SCRN3: variants seen among roughly 807,000 people sequenced by gnomAD.
The protein encoded by SCRN3 is secernin-3.
SCRN3 carries 39 observed loss-of-function variants against 43.1 expected under a neutral mutation model. The ratio of observed to expected loss-of-function variants is 0.91; its 90% CI spans 0.70 to 1.18. The LOEUF (loss-of-function observed/expected upper bound fraction) is 1.18. Ranked by LOEUF, SCRN3 falls within the 50% of genes most tolerant of loss-of-function variation. SCRN3 has a pLI of 0.00. For missense variants in SCRN3, 484 were observed against 498.0 expected, an observed-to-expected ratio of 0.97 and a Z score of 0.27; for synonymous variants, 147 against 163.1, an observed-to-expected ratio of 0.90 and a Z score of 0.75.
intron 5 of SCRN3, chr2:174,410,064 GC>G (rs1187383336): frequency 6.1e-6 from 1 of 163,194 alleles, no homozygotes; most frequent in African/African-American, 2.4e-5. Flanking sequence ...CAGCCTCGCT[GC>G]CGCCTTGCAG....
intron 5 of SCRN3, among the ~76,000 whole-genome samples, chr2:174,421,834 A>G (rs992309862): frequency 6.6e-6 from 1 of 152,218 alleles, no homozygotes. Context: ...GAATAGCACA[A>G]AAGATAGGCA....
intron 5 of SCRN3, among the ~76,000 whole-genome samples, chr2:174,413,670 A>C (rs1686008028): frequency 6.9e-6 from 1 of 144,880 alleles, no homozygotes. Context: ...GGCTCACTGC[A>C]ACCTCCTCCT....
At chr2:174,397,507 C>A in intron 1 of SCRN3, 1 of 507,454 alleles carries the variant, frequency 2.0e-6, no homozygotes, top group Non-Finnish European at 2.5e-6. Context: ...ATATTTTTGT[C>A]TGAATCAATG....
chr2:174,412,175 G>GGTT (rs897121808), intron 5 of SCRN3, among the ~76,000 whole-genome samples: 1 of 151,758 alleles, frequency 6.6e-6, no homozygotes, highest in African/African-American at 2.4e-5. Context: ...TGAGTTTCAT[G>GGTT]GTTGTTGTTG....
intron 3 of SCRN3, among the ~76,000 whole-genome samples, chr2:174,400,438 C>T (rs1253769147): frequency 6.6e-6 from 1 of 151,956 alleles, no homozygotes. Flanking sequence ...AGGCACGTGC[C>T]ACCACACCTG....
At chr2:174,417,035 T>C (rs1383764506) in intron 5 of SCRN3, among the ~76,000 whole-genome samples, 1 of 152,222 alleles carries the variant, frequency 6.6e-6, no homozygotes, top group Non-Finnish European at 1.5e-5. Flanking sequence ...AATGTTATAG[T>C]TTAATAAATA....
chr2:174,399,969 C>T lies in SCRN3; in HGVS notation c.207C>T (p.Val69=). The part of the protein sequence containing the change: ...IDQVPETYAV[V]LSRPAWLWGA... ...AAGTTCCTGAAACATATGCTGTTGT[C>T]CTGAGTCGCCCAGCGTGGTTGTGGG... The change falls in exon 3 of 8, where the codon GTC becomes GTT. Residue 69 remains valine, a synonymous_variant. Coordinates refer to ENST00000272732, the MANE Select transcript of SCRN3 (RefSeq NM_024583.5). 1 of 1,574,516 alleles carries T rather than the reference C, an allele frequency of 6.4e-7. No homozygotes were observed. The highest frequency in any genetic ancestry group is 8.6e-7 in the Non-Finnish European group (1 of 1,165,712).
In SCRN3 at chr2:174,404,108, G is replaced by C; in HGVS notation, c.547G>C (p.Val183Leu). Residue 183 changes from valine to leucine, a missense_variant, in exon 5 of 8, where the codon GTT (valine) becomes CTT (leucine). Physicochemically the swap from Val to Leu is conservative, Grantham distance 32. Coordinates refer to ENST00000272732, the MANE Select transcript of SCRN3 (RefSeq NM_024583.5). ...YWAAEKVQEG[V>L]RNISNQLSIT... ...CTCTTCTTCTTTGAAAATAGAGGGA[G>C]TTCGTAATATTTCTAATCAACTTTC... The C allele has an allele frequency of 6.2e-7, 1 of 1,612,392 alleles. No homozygotes were observed. The highest frequency in any genetic ancestry group is 8.5e-7 in the Non-Finnish European group (1 of 1,178,726).
intron 5 of SCRN3, among the ~76,000 whole-genome samples, chr2:174,420,534 T>C (rs1373207521): frequency 6.6e-6 from 1 of 152,180 alleles, no homozygotes; most frequent in Non-Finnish European, 1.5e-5. Flanking sequence ...TGTCTACACA[T>C]TAGCTTTATT....
intron 5 of SCRN3, among the ~76,000 whole-genome samples, chr2:174,421,299 A>G (rs538803473): frequency 3.0e-4 from 46 of 152,334 alleles, no homozygotes; most frequent in African/African-American, 1.1e-3. Context: ...GCTAACGGGC[A>G]TTCTTCAGGC....
At chr2:174,424,354 C>A in intron 6 of SCRN3, 121 bp from the exon 7 acceptor site, 1 of 711,874 alleles carries the variant, frequency 1.4e-6, no homozygotes, top group Non-Finnish European at 2.3e-6. Flanking sequence ...GTGACAGGAA[C>A]AAGTTAGTAT....
At chr2:174,396,280 C>T (rs1305061830) in intron 1 of SCRN3, 2 of 989,552 alleles carry the variant, frequency 2.0e-6, no homozygotes, top group Non-Finnish European at 2.4e-6. Context: ...ATGACGAATA[C>T]GCGTTAGGAG....
intron 4 of SCRN3, 35 bp from the exon 5 acceptor site, chr2:174,404,068 T>C: frequency 6.6e-7 from 1 of 1,521,366 alleles, no homozygotes; most frequent in Non-Finnish European, 9.1e-7. Flanking sequence ...AATATGACTT[T>C]TCTTCTCCTT....
chr2:174,400,561 T>C (rs540766523), intron 3 of SCRN3, among the ~76,000 whole-genome samples: 2 of 152,296 alleles, frequency 1.3e-5, no homozygotes, highest in Non-Finnish European at 2.9e-5. Flanking sequence ...AGCTCCTGAG[T>C]AACTGGGATT....
rs149822908 is a variant in SCRN3 at position 174,416,334 on chromosome 2, A to G, written c.755-6551A>G. On this transcript the variant is annotated intron_variant, in intron 5 of 7. Coordinates refer to ENST00000272732, the MANE Select transcript of SCRN3 (RefSeq NM_024583.5). Reference sequence around the variant, plus strand: ...GAATGGACAGGACTTAATTAATTAGAGTGAAGGTTAGAGAGAGAAAGATGT... The same window carrying G: ...GAATGGACAGGACTTAATTAATTAGGGTGAAGGTTAGAGAGAGAAAGATGT... Among the ~76,000 whole-genome samples the G allele has an allele frequency of 3.2e-3, 481 of 152,330 alleles. 5 individuals carry two copies. Among genetic ancestry groups the G allele is most frequent in the African/African-American group, 0.011 (454 of 41,560 alleles).
At chr2:174,418,004 A>C (rs992121193) in intron 5 of SCRN3, among the ~76,000 whole-genome samples, 11 of 152,208 alleles carry the variant, frequency 7.2e-5, no homozygotes, top group African/African-American at 2.7e-4. Context: ...ATATTCTTTA[A>C]AAATGAAGAA....
chr2:174,419,614 C>T (rs1346892569), intron 5 of SCRN3, among the ~76,000 whole-genome samples: 2 of 99,638 alleles, frequency 2.0e-5, no homozygotes, highest in East Asian at 6.0e-4. Flanking sequence ...CTCCTGGGCT[C>T]ACAGTATCAA....
At chr2:174,422,854 T>C in intron 5 of SCRN3, 31 bp from the exon 6 acceptor site, 1 of 1,455,996 alleles carries the variant, frequency 6.9e-7, no homozygotes, top group Non-Finnish European at 9.6e-7. Flanking sequence ...TATGCATATG[T>C]ATTTGATGAT....
At chr2:174,429,961 A>G (rs939671807), downstream of SCRN3, among the ~76,000 whole-genome samples, 2 of 152,112 alleles carry the variant, frequency 1.3e-5, no homozygotes, top group African/African-American at 4.8e-5. Flanking sequence ...TTGATAGCTC[A>G]TTTCTTTTAG....
Sources: allele counts gnomAD v4.1 joint callset (sites outside exome capture counted in the v4.1 genomes callset), GRCh38; gene constraint gnomAD v4.1.1; transcripts MANE v1.5; gene names NCBI Gene and HGNC (gene_info 2026-07-23, HGNC 2026-07-21).